DIP2C: variants seen among roughly 807,000 people sequenced by gnomAD.
The protein encoded by DIP2C is DIP2 acetate--CoA ligase C (putative).
DIP2C carries 33 observed loss-of-function variants against 192.4 expected under a neutral mutation model. That is an observed-to-expected ratio of 0.17 (90% confidence interval 0.13 to 0.23). The LOEUF (loss-of-function observed/expected upper bound fraction) is 0.23. Ranked by LOEUF, DIP2C falls within the 10% of genes least tolerant of loss-of-function variation. DIP2C has a pLI of 1.00. For missense variants in DIP2C, 1,537 were observed against 2,110.1 expected (o/e 0.73, Z 5.32); for synonymous variants, 979 against 864.1 (o/e 1.13, Z -2.33).
chr10:563,837 T>C (rs919959006), intron 1 of DIP2C, among the ~76,000 whole-genome samples: 3 of 152,202 alleles, frequency 2.0e-5, no homozygotes, highest in African/African-American at 2.4e-5. Context: ...TACTGGGCTA[T>C]ACCAATAGTC....
intron 1 of DIP2C, among the ~76,000 whole-genome samples, chr10:562,201 C>G (rs978722385): frequency 5.9e-5 from 9 of 152,236 alleles, no homozygotes; most frequent in Admixed American, 5.2e-4. Context: ...CAGGCCGCAT[C>G]TGATGTTTAA....
At chr10:495,701 A>C (rs1844779327) in intron 1 of DIP2C, among the ~76,000 whole-genome samples, 1 of 152,150 alleles carries the variant, frequency 6.6e-6, no homozygotes, top group Non-Finnish European at 1.5e-5. Context: ...ATTTACATAG[A>C]ACCCACATGT....
At chr10:599,676 C>G (rs898150978) in intron 1 of DIP2C, among the ~76,000 whole-genome samples, 13 of 152,192 alleles carry the variant, frequency 8.5e-5, no homozygotes. Context: ...CCCCCTGGGG[C>G]CACAGAGCCC....
rs1306790916 is a variant in DIP2C, at chr10:318,106, G to C, written c.3925-8014C>G. Among the ~76,000 whole-genome samples the C allele has an allele frequency of 2.0e-5, 3 of 152,290 alleles. No individual in the cohort carries two copies. In the South Asian group the frequency reaches 6.2e-4, roughly 32 times the overall value. On this transcript the variant is annotated intron_variant, in intron 31 of 36. Coordinates refer to ENST00000280886, the MANE Select transcript of DIP2C (RefSeq NM_014974.3). ...TGGCTTCCTGGGGCTATGGAGATGC[G>C]TAAGGGCAGGACGAGAACACAGTGA...
chr10:688,246 C>G (rs895529663), intron 1 of DIP2C, among the ~76,000 whole-genome samples: 1 of 152,148 alleles, frequency 6.6e-6, no homozygotes, highest in Non-Finnish European at 1.5e-5. Context: ...AGACTCTGCC[C>G]CCCGCCAACT....
chr10:583,269 A>G (rs1385571984), intron 1 of DIP2C, among the ~76,000 whole-genome samples: 1 of 152,274 alleles, frequency 6.6e-6, no homozygotes, highest in Non-Finnish European at 1.5e-5. Flanking sequence ...ATATCACTAA[A>G]GCGCAAAGGA....
intron 36 of DIP2C, among the ~76,000 whole-genome samples, chr10:279,227 T>C (rs1954682392): frequency 6.6e-6 from 1 of 152,372 alleles, no homozygotes; most frequent in East Asian, 1.9e-4. Flanking sequence ...CCTGGTGATG[T>C]TAAAATGTTG....
intron 1 of DIP2C, among the ~76,000 whole-genome samples, chr10:612,631 G>C (rs1405943461): frequency 6.6e-6 from 1 of 152,116 alleles, no homozygotes; most frequent in Non-Finnish European, 1.5e-5. Context: ...GCTGGAGATG[G>C]GATCCCAGGT....
At chr10:418,557 A>G (rs1965961427) in intron 6 of DIP2C, among the ~76,000 whole-genome samples, 1 of 152,204 alleles carries the variant, frequency 6.6e-6, no homozygotes, top group Admixed American at 6.5e-5. Flanking sequence ...GGCCACAAAG[A>G]AGGAAGGAAG....
chr10:450,350 C>T (rs919911534), intron 3 of DIP2C, among the ~76,000 whole-genome samples: 1 of 152,204 alleles, frequency 6.6e-6, no homozygotes, highest in African/African-American at 2.4e-5. Flanking sequence ...CAGGATCTGG[C>T]ACCTTGACTC....
At chr10:610,037 T>C (rs894469018) in intron 1 of DIP2C, among the ~76,000 whole-genome samples, 5 of 152,046 alleles carry the variant, frequency 3.3e-5, no homozygotes, top group Non-Finnish European at 7.4e-5. Context: ...CCAGCTTCAA[T>C]GCAGCACCGT....
chr10:296,944 G>A (rs926437637), intron 32 of DIP2C, among the ~76,000 whole-genome samples: 18 of 150,564 alleles, frequency 1.2e-4, no homozygotes, highest in Non-Finnish European at 1.2e-4. Flanking sequence ...TGTAAATGAC[G>A]AGTTAATGGG....
chr10:544,707 CTT>C (rs1362448912), intron 1 of DIP2C, among the ~76,000 whole-genome samples: 1 of 152,112 alleles, frequency 6.6e-6, no homozygotes, highest in Non-Finnish European at 1.5e-5. Flanking sequence ...ATCTCATGTG[CTT>C]TTTAAGGCAT....
chr10:280,089 A>G (rs1467739012), intron 36 of DIP2C, among the ~76,000 whole-genome samples: 2 of 151,996 alleles, frequency 1.3e-5, no homozygotes, highest in Non-Finnish European at 2.9e-5. Context: ...TCAAGGAGAG[A>G]AGTGTCAAGG....
chr10:427,275 T>C (rs1380732235), intron 4 of DIP2C, among the ~76,000 whole-genome samples: 2 of 152,240 alleles, frequency 1.3e-5, no homozygotes, highest in Non-Finnish European at 2.9e-5. Flanking sequence ...CAGTCTCCAA[T>C]TCTTCCTTTT....
intron 2 of DIP2C, among the ~76,000 whole-genome samples, chr10:479,629 C>T (rs1368099851): frequency 6.6e-6 from 1 of 152,148 alleles, no homozygotes; most frequent in Non-Finnish European, 1.5e-5. Context: ...CCAATGCGCC[C>T]GTCCCCACAC....
chr10:480,273 C>T (rs1376835797), intron 2 of DIP2C, among the ~76,000 whole-genome samples: 1 of 147,278 alleles, frequency 6.8e-6, no homozygotes, highest in Non-Finnish European at 1.5e-5. Flanking sequence ...GCCTGAGCTC[C>T]GGGGTCCATG....
intron 1 of DIP2C, among the ~76,000 whole-genome samples, chr10:655,475 C>G (rs1397330846): frequency 6.6e-6 from 1 of 152,104 alleles, no homozygotes; most frequent in Non-Finnish European, 1.5e-5. Context: ...CTATGTGACT[C>G]TACTATTCCA....
At chr10:629,318 G>A (rs1417811615) in intron 1 of DIP2C, among the ~76,000 whole-genome samples, 2 of 152,088 alleles carry the variant, frequency 1.3e-5, no homozygotes, top group East Asian at 1.9e-4. Context: ...ACCAAGATCC[G>A]GGCCAACTCC....
Sources: gnomAD v4.1 joint callset for allele counts (sites outside exome capture counted in the v4.1 genomes callset) on GRCh38, gnomAD v4.1.1 for gene constraint, MANE v1.5 for transcripts, NCBI Gene and HGNC (gene_info 2026-07-23, HGNC 2026-07-21) for gene names.